The following POU2AF1 variants were observed in gnomAD, a reference collection of about 807,000 sequenced individuals.
POU2AF1 encodes POU domain class 2-associating factor 1.
POU2AF1 carries 12 observed loss-of-function variants against 26.3 expected under a neutral mutation model. The ratio of observed to expected loss-of-function variants is 0.46; its 90% CI spans 0.29 to 0.74. The LOEUF is 0.74. Among genes scored for constraint, POU2AF1 ranks in the 30% least tolerant of loss-of-function variants. The probability of loss-of-function intolerance (pLI) is 0.09; values close to 1 mark genes in which losing one functional copy is unlikely to be tolerated. For missense variants in POU2AF1, 297 were observed against 334.5 expected, an observed-to-expected ratio of 0.89 and a Z score of 0.87; for synonymous variants, 175 against 148.0, an observed-to-expected ratio of 1.18 and a Z score of -1.32.
chr11:111,369,034 G>T (rs1050575607), intron 1 of POU2AF1, among the ~76,000 whole-genome samples: 15 of 152,162 alleles, frequency 9.9e-5, no homozygotes, highest in African/African-American at 3.6e-4. Flanking sequence ...AGGGCCTTCT[G>T]TTGCCTGCCA....
intron 4 of POU2AF1, among the ~76,000 whole-genome samples, 177 bp downstream of exon 4, chr11:111,357,268 G>A (rs2135109192): frequency 6.6e-6 from 1 of 152,286 alleles, no homozygotes; most frequent in Non-Finnish European, 1.5e-5. Context: ...CATCTTTGTG[G>A]AAGTTATCTC....
intron 2 of POU2AF1, among the ~76,000 whole-genome samples, chr11:111,358,547 TACAC>T (rs35133488): frequency 1.3e-4 from 12 of 94,996 alleles, no homozygotes; most frequent in East Asian, 5.8e-4. Flanking sequence ...CACAAACACA[TACAC>T]ACTCACATGC....
chr11:111,371,833 A>C (rs958747040), intron 1 of POU2AF1, among the ~76,000 whole-genome samples: 1 of 152,130 alleles, frequency 6.6e-6, no homozygotes, highest in Non-Finnish European at 1.5e-5. Context: ...ATGGTGGCAG[A>C]AGGAGGAAAA....
At chr11:111,356,590 G>A (rs1291011108) in intron 4 of POU2AF1, among the ~76,000 whole-genome samples, 2 of 152,210 alleles carry the variant, frequency 1.3e-5, no homozygotes, top group Non-Finnish European at 2.9e-5. Context: ...TTGAATACTT[G>A]CAAAATTCCC....
intron 1 of POU2AF1, among the ~76,000 whole-genome samples, chr11:111,360,595 A>G (rs1860988081): frequency 1.3e-5 from 2 of 152,164 alleles, no homozygotes; most frequent in Non-Finnish European, 2.9e-5. Context: ...CCAGGTAGCA[A>G]ATCAACCAGG....
At chr11:111,360,227 C>T (rs950033196) in intron 1 of POU2AF1, among the ~76,000 whole-genome samples, 3 of 152,270 alleles carry the variant, frequency 2.0e-5, no homozygotes, top group Middle Eastern at 3.4e-3. Context: ...AAACACTAGA[C>T]CTTAGGACTT....
chr11:111,358,444 A>ACACACT (rs1555074391), intron 2 of POU2AF1, among the ~76,000 whole-genome samples: 1,314 of 53,786 alleles, frequency 0.024, 58 homozygotes, highest in Admixed American at 0.045. Flanking sequence ...ACTCACTCTC[A>ACACACT]CACACACACA....
intron 1 of POU2AF1, among the ~76,000 whole-genome samples, chr11:111,365,957 A>C (rs1182543573): frequency 6.6e-6 from 1 of 152,218 alleles, no homozygotes; most frequent in African/African-American, 2.4e-5. Context: ...CAGTTGGCTA[A>C]AGGATTATTC....
rs767301139 is a variant in POU2AF1, at chr11:111,357,486, C to G, written c.415G>C (p.Val139Leu). The G allele has an allele frequency of 6.2e-7, 1 of 1,614,012 alleles. No homozygotes were observed. Among genetic ancestry groups the G allele is most frequent in the African/African-American group, 1.3e-5 (1 of 74,906 alleles). The change falls in exon 4 of 5, where the codon GTG becomes CTG. Residue 139 changes from valine to leucine, a missense_variant. Coordinates refer to ENST00000393067, the MANE Select transcript of POU2AF1 (RefSeq NM_006235.3). ...PSYTVVGPSS[V>L]LTYASPPLIT... ...AGTGGCGGAGAGGCATAGGTCAACACTGAGGAGGGCCCCACCACCGTGTAG... is the reference window on the plus strand; with the variant it reads ...AGTGGCGGAGAGGCATAGGTCAACAGTGAGGAGGGCCCCACCACCGTGTAG...
At chr11:111,371,637 A>G (rs910705283) in intron 1 of POU2AF1, among the ~76,000 whole-genome samples, 1 of 152,210 alleles carries the variant, frequency 6.6e-6, no homozygotes, top group African/African-American at 2.4e-5. Context: ...CTCAGAGGAC[A>G]TACAAATTGT....
At chr11:111,379,013 CCCT>C in intron 1 of POU2AF1, 146 bp downstream of exon 1, 1 of 760,428 alleles carries the variant, frequency 1.3e-6, no homozygotes, top group Non-Finnish European at 2.1e-6. Flanking sequence ...CCCACCTCCC[CCCT>C]CCCTGCTCCG....
At chr11:111,360,363 A>C (rs779413074) in intron 1 of POU2AF1, among the ~76,000 whole-genome samples, 4 of 152,200 alleles carry the variant, frequency 2.6e-5, no homozygotes, top group Non-Finnish European at 4.4e-5. Flanking sequence ...AACTTTGCTC[A>C]GTAAATACCC....
Position 111,379,215 on chromosome 11 carries a change from G to C in POU2AF1, c.-38C>G. 3 of 1,613,740 alleles carry C rather than the reference G, an allele frequency of 1.9e-6. No homozygotes were observed. Among genetic ancestry groups the C allele is most frequent in the Non-Finnish European group, 2.5e-6 (3 of 1,179,650 alleles). ...GATGTTGCCTTTTCTCTTTGAAGCCGACAGTTTGGCTTCTTTAATGTGAGA... is the reference window on the plus strand; with the variant it reads ...GATGTTGCCTTTTCTCTTTGAAGCCCACAGTTTGGCTTCTTTAATGTGAGA... On this transcript the variant is annotated 5_prime_UTR_variant, in exon 1 of 5. Transcript: ENST00000393067.
rs201933517 is a variant in POU2AF1, at chr11:111,379,154, C to T, written c.16+8G>A. 278 of 1,614,152 alleles carry T rather than the reference C, an allele frequency of 1.7e-4. 2 individuals carry two copies. The Middle Eastern group carries it at 3.5e-3, about 20-fold the overall frequency. On this transcript the variant is annotated splice_region_variant and intron_variant, in intron 1 of 4. Coordinates refer to ENST00000393067, the MANE Select transcript of POU2AF1 (RefSeq NM_006235.3). ...CTTGGGTCTGACAGCCACAGCCAAA[C>T]CACTTACGTTTTTGCCAGAGCATGG...
At chr11:111,362,987 C>T (rs187594304) in intron 1 of POU2AF1, 3 of 316,262 alleles carry the variant, frequency 9.5e-6, no homozygotes, top group Non-Finnish European at 1.4e-5. Context: ...ACCAGCTGGC[C>T]ACTTCCAGGA....
At position 111,353,287 on chromosome 11, in the gene POU2AF1, C is replaced by A. The variant is rs1319438177; in HGVS notation, c.*974G>T. The A allele has an allele frequency of 4.3e-6, 1 of 233,348 alleles. No homozygotes were observed. Among genetic ancestry groups the A allele is most frequent in the Non-Finnish European group, 8.5e-6 (1 of 118,122 alleles). The allele number at this position is 233,348 out of a possible 1,614,324, so 14.5% of individuals were successfully genotyped here. A position where few individuals can be genotyped will look rare whatever the true frequency, so the allele number is the denominator to read the frequency against. On this transcript the variant is annotated 3_prime_UTR_variant, in exon 5 of 5. Coordinates refer to ENST00000393067, the MANE Select transcript of POU2AF1 (RefSeq NM_006235.3). ...CAATGCTTTCCTTTAGTTTATTGTT[C>A]TTCTTAATAACCAAGTAATCTGGAG...
At chr11:111,360,014 T>G (rs770471563) in intron 1 of POU2AF1, 2 of 519,020 alleles carry the variant, frequency 3.9e-6, no homozygotes, top group South Asian at 2.8e-5. Context: ...CACCTGCTGC[T>G]GAGGGAAGGT....
rs1447968841 is a variant in POU2AF1 at position 111,354,567 on chromosome 11, G to A, written c.465C>T (p.Ser155=). Reference sequence around the variant, plus strand: ...GGGGCCCCACTGCGGGCGTGGCGGAGCTTCTTGTCTGTGACAGGAAAACAC... The same window carrying A: ...GGGGCCCCACTGCGGGCGTGGCGGAACTTCTTGTCTGTGACAGGAAAACAC... ...PPLITNVTTR[S]SATPAVGPPL... Residue 155 remains serine, a synonymous_variant, in exon 5 of 5, where the codon AGC becomes AGT. Coordinates refer to ENST00000393067, the MANE Select transcript of POU2AF1 (RefSeq NM_006235.3). 1 of 1,523,706 alleles carries A rather than the reference G, an allele frequency of 6.6e-7. No homozygotes were observed. Among genetic ancestry groups the A allele is most frequent in the Non-Finnish European group, 8.8e-7 (1 of 1,141,518 alleles). The allele number at this position is 1,523,706 out of a possible 1,614,324, so 94.4% of individuals were successfully genotyped here.
intron 1 of POU2AF1, among the ~76,000 whole-genome samples, chr11:111,374,695 A>T (rs1037006498): frequency 9.9e-5 from 15 of 152,184 alleles, no homozygotes; most frequent in Admixed American, 2.6e-4. Context: ...ACTCTATCTC[A>T]AAAAAAGAAC....
Sources: gnomAD v4.1 joint callset for allele counts (sites outside exome capture counted in the v4.1 genomes callset) on GRCh38, gnomAD v4.1.1 for gene constraint, MANE v1.5 for transcripts, NCBI Gene and HGNC (gene_info 2026-07-23, HGNC 2026-07-21) for gene names.